Variants in MAST2 observed in about 807,000 individuals in gnomAD.
The protein encoded by MAST2 is microtubule associated serine/threonine kinase 2.
In MAST2, 70 loss-of-function variants were observed where a neutral mutation model predicts 147.4. That is an observed-to-expected ratio of 0.47 (90% confidence interval 0.39 to 0.58). The LOEUF is 0.58. MAST2 is among the 20% of genes least tolerant of loss of function. The pLI, the probability that MAST2 is intolerant of heterozygous loss-of-function variation, is 0.00. For missense variants in MAST2, 2,080 were observed against 2,302.3 expected, an observed-to-expected ratio of 0.90 and a Z score of 1.98; for synonymous variants, 869 against 896.8, an observed-to-expected ratio of 0.97 and a Z score of 0.55.
At chr1:46,019,133 A>G (rs971045668) in intron 10 of MAST2, among the ~76,000 whole-genome samples, 4 of 152,054 alleles carry the variant, frequency 2.6e-5, no homozygotes, top group African/African-American at 7.2e-5. Context: ...TTGCCTGCTA[A>G]TGGGTTTTCC....
chr1:45,940,736 C>G (rs191549653), intron 4 of MAST2, among the ~76,000 whole-genome samples: 3 of 152,046 alleles, frequency 2.0e-5, no homozygotes, highest in African/African-American at 7.2e-5. Flanking sequence ...TCTCCTGCCT[C>G]AGCCTCCTCA....
At chr1:46,014,330 C>T (rs1645843022) in intron 10 of MAST2, among the ~76,000 whole-genome samples, 1 of 117,130 alleles carries the variant, frequency 8.5e-6, no homozygotes, top group East Asian at 3.1e-4. Context: ...CCCCCCTCCC[C>T]CCACCCCACA....
At chr1:45,822,280 TA>T (rs1311485804) in intron 1 of MAST2, among the ~76,000 whole-genome samples, 1 of 152,170 alleles carries the variant, frequency 6.6e-6, no homozygotes, top group African/African-American at 2.4e-5. Flanking sequence ...TGTACTTTTC[TA>T]AAATGAGTAA....
chr1:45,904,463 C>T (rs1486776407), intron 4 of MAST2, among the ~76,000 whole-genome samples: 5 of 152,054 alleles, frequency 3.3e-5, no homozygotes, highest in African/African-American at 7.2e-5. Context: ...CATGAGCCAC[C>T]GTGTCCGGCC....
intron 4 of MAST2, among the ~76,000 whole-genome samples, chr1:45,939,549 G>T (rs1178941184): frequency 2.0e-5 from 3 of 150,004 alleles, no homozygotes; most frequent in Admixed American, 6.7e-5. Flanking sequence ...TTTTGGGGGG[G>T]TGGGGTCGCA....
chr1:45,947,685 A>G (rs762148995), intron 4 of MAST2, among the ~76,000 whole-genome samples: 4 of 152,238 alleles, frequency 2.6e-5, no homozygotes, highest in Non-Finnish European at 5.9e-5. Flanking sequence ...ACATGATTCT[A>G]TATGTAGAAC....
At chr1:45,816,678 T>G (rs1272966897) in intron 1 of MAST2, among the ~76,000 whole-genome samples, 1 of 151,928 alleles carries the variant, frequency 6.6e-6, no homozygotes, top group Middle Eastern at 3.2e-3. Context: ...AAGAAAGAAT[T>G]TATTTATTTA....
intron 4 of MAST2, among the ~76,000 whole-genome samples, chr1:45,932,654 C>G (rs921047367): frequency 2.0e-5 from 3 of 152,152 alleles, no homozygotes; most frequent in Non-Finnish European, 4.4e-5. Flanking sequence ...GCCTGGGAGA[C>G]AGAGTGAGAC....
At chr1:45,844,973 C>G (rs1645386084) in intron 3 of MAST2, among the ~76,000 whole-genome samples, 1 of 152,108 alleles carries the variant, frequency 6.6e-6, no homozygotes, top group Non-Finnish European at 1.5e-5. Flanking sequence ...GAGAAGAAAT[C>G]CATTCCTGTA....
At chr1:45,889,056 A>G (rs939037044) in intron 4 of MAST2, among the ~76,000 whole-genome samples, 2 of 152,150 alleles carry the variant, frequency 1.3e-5, no homozygotes, top group Admixed American at 6.5e-5. Flanking sequence ...TGCTACTGCC[A>G]TAACCTCCTA....
intron 3 of MAST2, among the ~76,000 whole-genome samples, chr1:45,830,570 T>C (rs951657529): frequency 1.3e-5 from 2 of 152,206 alleles, no homozygotes; most frequent in African/African-American, 4.8e-5. Flanking sequence ...GGTTGTAACT[T>C]CAATGAGTAA....
chr1:45,933,310 A>G (rs1024638639), intron 4 of MAST2, among the ~76,000 whole-genome samples: 4 of 152,016 alleles, frequency 2.6e-5, no homozygotes, highest in Non-Finnish European at 5.9e-5. Flanking sequence ...CTCCCGGGAA[A>G]TGTATACATG....
At chr1:45,865,636 TCTAC>T (rs765910504) in intron 3 of MAST2, among the ~76,000 whole-genome samples, 10 of 152,286 alleles carry the variant, frequency 6.6e-5, no homozygotes, top group South Asian at 4.1e-4. Context: ...CGTCTGTCTG[TCTAC>T]CTACCTACCT....
chr1:45,838,635 A>C (rs1049489914), intron 3 of MAST2, among the ~76,000 whole-genome samples: 3 of 152,210 alleles, frequency 2.0e-5, no homozygotes, highest in Non-Finnish European at 4.4e-5. Flanking sequence ...GTATATTCTG[A>C]ATACAAGTTA....
chr1:45,980,208 C>T (rs551856056), intron 5 of MAST2, among the ~76,000 whole-genome samples: 1 of 138,996 alleles, frequency 7.2e-6, no homozygotes, highest in Non-Finnish European at 1.5e-5. Context: ...TCGCTTGAAC[C>T]CAGGAGATGG....
Position 46,022,951 on chromosome 1 carries a change from G to C in MAST2, c.1465G>C (p.Glu489Gln). 6.2e-7 allele frequency: 1 copy of C among 1,614,150 alleles called. No individual in the cohort carries two copies. The highest frequency in any genetic ancestry group is 1.1e-5 in the South Asian group (1 of 91,084). ...CAGCTGTGACAGTCCTGACACTCCAGAGACAGATGATTCTATTGAGGTAAA... is the reference window on the plus strand; with the variant it reads ...CAGCTGTGACAGTCCTGACACTCCACAGACAGATGATTCTATTGAGGTAAA... ...LSSCDSPDTP[E>Q]TDDSIEGHGA... Residue 489 changes from glutamate (E) to glutamine (Q), a missense_variant, in exon 13 of 29, where the codon GAG (glutamate) becomes CAG (glutamine). Coordinates refer to ENST00000361297, the MANE Select transcript of MAST2 (RefSeq NM_015112.3).
At chr1:46,001,809 C>T (rs996958147) in intron 6 of MAST2, among the ~76,000 whole-genome samples, 20 of 152,194 alleles carry the variant, frequency 1.3e-4, no homozygotes, top group Non-Finnish European at 2.9e-5. Context: ...CTGTCCCTGC[C>T]ATAACCATGA....
At chr1:45,998,957 C>T (rs1297462219) in intron 6 of MAST2, among the ~76,000 whole-genome samples, 1 of 152,128 alleles carries the variant, frequency 6.6e-6, no homozygotes, top group African/African-American at 2.4e-5. Flanking sequence ...TGGTCTTGAT[C>T]TCCTGACCTC....
chr1:45,995,774 T>C lies in MAST2; in HGVS notation c.593-1950T>C, dbSNP rs141894610. 6.6e-5 allele frequency among the ~76,000 whole-genome samples: 10 copies of C among 152,290 alleles called. No homozygotes were observed. The East Asian group carries it at 1.9e-3, about 29-fold the overall frequency. The stretch of plus-strand genomic sequence containing the variant: ...ATCTTTGCCTACTGTGTTTGAACAA[T>C]GATACTGTTTTTCTTGAGAGATTCT... On this transcript the variant is annotated intron_variant, in intron 5 of 28. Transcript: ENST00000361297.
Sources: gnomAD v4.1 joint callset for allele counts (sites outside exome capture counted in the v4.1 genomes callset) on GRCh38, gnomAD v4.1.1 for gene constraint, MANE v1.5 for transcripts, NCBI Gene and HGNC (gene_info 2026-07-23, HGNC 2026-07-21) for gene names.